The following DNAI4 variants were observed in gnomAD, a reference collection of about 807,000 sequenced individuals.
DNAI4 encodes WD repeat domain 78.
A neutral mutation model predicts 105.8 loss-of-function variants in DNAI4; 85 were observed. The ratio of observed to expected loss-of-function variants is 0.80; its 90% CI spans 0.67 to 0.96. The LOEUF is 0.96. DNAI4 is among the 40% of genes least tolerant of loss of function. The pLI is 0.00. For missense variants in DNAI4, 1,014 were observed against 1,005.6 expected (o/e 1.01, Z -0.11); for synonymous variants, 352 against 331.5 (o/e 1.06, Z -0.67).
rs370381629 is a variant in DNAI4 at position 66,855,164 on chromosome 1, G to A, written c.1096+6983C>T. On this transcript the variant is annotated intron_variant, in intron 7 of 16. Transcript: ENST00000371026. ...CCAGGGCCAGCTACCAGACAAGTAG[G>A]AATATCTGCTAAACCCCAGAACCCA... 2.1e-4 allele frequency among the ~76,000 whole-genome samples: 32 copies of A among 152,276 alleles called. No homozygotes were observed. The South Asian group carries it at 4.3e-3, about 21-fold the overall frequency.
Position 66,915,671 on chromosome 1 carries a change from A to G in DNAI4, c.170+8991T>C, listed in dbSNP as rs1337693557. ...AACAAAGAGTGTATCATTTTAAAAA[A>G]ACGGTGAACAAGTTTTGTCTAATTC... On this transcript the variant is annotated intron_variant, in intron 1 of 16. Transcript: ENST00000371026. Among the ~76,000 whole-genome samples, 19 of 152,338 alleles carry G rather than the reference A, an allele frequency of 1.2e-4. 1 individual carries two copies. The highest frequency in any genetic ancestry group is 2.4e-4 in the Non-Finnish European group (16 of 68,038).
intron 15 of DNAI4, among the ~76,000 whole-genome samples, chr1:66,823,131 TC>T (rs1433782732): frequency 7.3e-6 from 1 of 137,158 alleles, no homozygotes; most frequent in Non-Finnish European, 1.6e-5. Flanking sequence ...ATTGTTCAGT[TC>T]CCACCTACGA....
Position 66,893,522 on chromosome 1 carries a change from C to T in DNAI4, c.346-109G>A, listed in dbSNP as rs1262318345. ...TGGTAGAAAAAAGATTAGTATAATG[C>T]TCCTATAATAGGATAAACATGAAAA... On this transcript the variant is annotated intron_variant, in intron 2 of 16. Coordinates refer to ENST00000371026, the MANE Select transcript of DNAI4 (RefSeq NM_024763.5). The T allele has an allele frequency of 7.4e-6, 5 of 675,182 alleles. No homozygotes were observed. The Admixed American group carries it at 1.9e-4, about 26-fold the overall frequency. 41.8% of individuals were successfully genotyped at this position (675,182 alleles called of 1,614,324 possible).
chr1:66,844,084 CAAAAAAA>C (rs55925419), intron 8 of DNAI4, among the ~76,000 whole-genome samples: 17 of 66,358 alleles, frequency 2.6e-4, no homozygotes, highest in Admixed American at 8.2e-4. Context: ...ACTGGAGATT[CAAAAAAA>C]AAAAAAAAAA....
chr1:66,820,946 T>G (rs943895227), intron 16 of DNAI4, among the ~76,000 whole-genome samples: 1 of 152,154 alleles, frequency 6.6e-6, no homozygotes, highest in Non-Finnish European at 1.5e-5. Flanking sequence ...TATGTTGTTC[T>G]GTTTTCCTTT....
rs577065436 is a variant in DNAI4 at position 66,852,799 on chromosome 1, C to G, written c.1097-5121G>C. Among the ~76,000 whole-genome samples, 10 of 152,226 alleles carry G rather than the reference C, an allele frequency of 6.6e-5. No individual in the cohort carries two copies. In the East Asian group the frequency reaches 1.9e-3, roughly 29 times the overall value. On this transcript the variant is annotated intron_variant, in intron 7 of 16. Coordinates refer to ENST00000371026, the MANE Select transcript of DNAI4 (RefSeq NM_024763.5). ...GGTGATTAGGAGGTAGGACCTTTGG[C>G]AGATAATTAACTCATGAGAGTGGAG...
Position 66,891,116 on chromosome 1 carries a change from C to T in DNAI4, c.643+38G>A, listed in dbSNP as rs199927060. ...AATAATAAGCATATTGACTAAATAACGGACTGTTACTGAAATAAACAAGTA... is the reference window on the plus strand; with the variant it reads ...AATAATAAGCATATTGACTAAATAATGGACTGTTACTGAAATAAACAAGTA... On this transcript the variant is annotated intron_variant, in intron 4 of 16. Coordinates refer to ENST00000371026, the MANE Select transcript of DNAI4 (RefSeq NM_024763.5). 208 of 1,409,932 alleles carry T rather than the reference C, an allele frequency of 1.5e-4. No individual in the cohort carries two copies. The African/African-American group carries it at 2.3e-3, about 16-fold the overall frequency. The allele number at this position is 1,409,932 out of a possible 1,614,324, so 87.3% of individuals were successfully genotyped here. A position where few individuals can be genotyped will look rare whatever the true frequency, so the allele number is the denominator to read the frequency against.
chr1:66,854,723 C>T lies in DNAI4; in HGVS notation c.1097-7045G>A, dbSNP rs564015827. Among the ~76,000 whole-genome samples, 12 of 152,246 alleles carry T rather than the reference C, an allele frequency of 7.9e-5. No homozygotes were observed. In the South Asian group the frequency reaches 1.5e-3, roughly 18 times the overall value. ...AGCTGAGGCAGGAGAATGGCTTGAA[C>T]CCGGGAGGAGGCAGAGATTGCATTG... On this transcript the variant is annotated intron_variant, in intron 7 of 16. Transcript: ENST00000371026.
intron 6 of DNAI4, among the ~76,000 whole-genome samples, chr1:66,865,740 A>G (rs1205718858): frequency 6.6e-6 from 1 of 152,228 alleles, no homozygotes; most frequent in Non-Finnish European, 1.5e-5. Context: ...CTTAACAAAA[A>G]GTGCCTCAGC....
intron 8 of DNAI4, among the ~76,000 whole-genome samples, chr1:66,844,287 G>A (rs1004574577): frequency 2.6e-5 from 4 of 151,944 alleles, no homozygotes; most frequent in African/African-American, 7.3e-5. Flanking sequence ...AGGCCTGGGC[G>A]CAGTGGCTCA....
At chr1:66,897,067 T>TA (rs1201535222) in intron 2 of DNAI4, among the ~76,000 whole-genome samples, 2 of 152,156 alleles carry the variant, frequency 1.3e-5, no homozygotes, top group Non-Finnish European at 2.9e-5. Context: ...TGAATCTTTT[T>TA]AATTGCTTAA....
Position 66,834,089 on chromosome 1 carries a change from C to T in DNAI4, c.1793G>A (p.Arg598Gln), listed in dbSNP as rs143418266. 88 of 1,612,300 alleles carry T rather than the reference C, an allele frequency of 5.5e-5. No individual in the cohort carries two copies. Among genetic ancestry groups the T allele is most frequent in the Non-Finnish European group, 7.4e-5 (87 of 1,179,344 alleles). The change falls in exon 12 of 17, where the codon CGA (arginine) becomes CAA (glutamine). Residue 598 changes from arginine (R) to glutamine (Q), a missense_variant. By Grantham distance (43) the Arg-to-Gln change is conservative. Transcript: ENST00000371026. ...VWQLQWIEQDRGTTGDGKREI... is the reference protein window; with the variant it reads ...VWQLQWIEQDQGTTGDGKREI... The stretch of plus-strand genomic sequence containing the variant: ...TCTTTTGCCATCTCCTGTTGTTCCT[C>T]GATCTTGTTCTATCCACTGTAGTTG...
intron 13 of DNAI4, 45 bp downstream of exon 13, chr1:66,833,540 T>C (rs528845318): frequency 2.5e-6 from 4 of 1,600,742 alleles, no homozygotes; most frequent in South Asian, 1.1e-5. Flanking sequence ...CTTCAATTTT[T>C]GGAAATTGTT....
chr1:66,844,196 T>G (rs2100504187), intron 8 of DNAI4, among the ~76,000 whole-genome samples: 1 of 151,790 alleles, frequency 6.6e-6, no homozygotes, highest in East Asian at 1.9e-4. Context: ...ACTATAATGA[T>G]CTTTTTACTA....
intron 13 of DNAI4, chr1:66,828,513 C>A (rs1645801768): frequency 6.6e-6 from 1 of 152,098 alleles, no homozygotes; most frequent in South Asian, 2.1e-4. Flanking sequence ...TTTTTAATTC[C>A]TAATTATGTG....
chr1:66,924,258 C>T lies in DNAI4; in HGVS notation c.170+404G>A, dbSNP rs150309433. 2.0e-3 allele frequency among the ~76,000 whole-genome samples: 309 copies of T among 152,360 alleles called. 3 individuals carry two copies. The highest frequency in any genetic ancestry group is 7.3e-3 in the African/African-American group (304 of 41,586). On this transcript the variant is annotated intron_variant, in intron 1 of 16. Transcript: ENST00000371026. ...CGATCTCGGCTTACTGCAACCTCCG[C>T]CTTCCGGGTTCAAGGGATTCTCCTG... is the stretch of plus-strand genomic sequence containing the variant.
At chr1:66,875,001 C>T in intron 4 of DNAI4, 64 bp from the exon 5 acceptor site, 1 of 1,437,890 alleles carries the variant, frequency 7.0e-7, no homozygotes, top group Non-Finnish European at 9.4e-7. Context: ...ATTTTTCCTT[C>T]TAGTCACCAA....
At position 66,847,628 on chromosome 1, in the gene DNAI4, T is replaced by A. The variant is rs1646306352; in HGVS notation, c.1147A>T (p.Ile383Phe). 3.7e-6 allele frequency: 6 copies of A among 1,613,498 alleles called. No individual in the cohort carries two copies. The highest frequency in any genetic ancestry group is 5.1e-6 in the Non-Finnish European group (6 of 1,179,844). Residue 383 changes from isoleucine (I) to phenylalanine (F), a missense_variant, in exon 8 of 17, where the codon ATC becomes TTC. Physicochemically the swap from Ile to Phe is conservative, Grantham distance 21. Coordinates refer to ENST00000371026, the MANE Select transcript of DNAI4 (RefSeq NM_024763.5). ...GAGTGGTCTTCCTCATCTTCATGGA[T>A]TTTTGCCAGAATTACATTTTCTATG... ...MDIENVILAK[I>F]HEDEEDHSDA... is the part of the protein sequence containing the mutation.
At chr1:66,877,983 C>A (rs1470673130) in intron 4 of DNAI4, among the ~76,000 whole-genome samples, 2 of 152,078 alleles carry the variant, frequency 1.3e-5, no homozygotes, top group Admixed American at 6.5e-5. Flanking sequence ...CTGTCAATAT[C>A]CTCTGCTTTA....
Sources: gnomAD v4.1 joint callset for allele counts (sites outside exome capture counted in the v4.1 genomes callset) on GRCh38, gnomAD v4.1.1 for gene constraint, MANE v1.5 for transcripts, NCBI Gene and HGNC (gene_info 2026-07-23, HGNC 2026-07-21) for gene names.